The following JAKMIP1 variants were observed in gnomAD, a reference collection of about 807,000 sequenced individuals.
JAKMIP1 encodes the protein janus kinase and microtubule interacting protein 1.
In JAKMIP1, 33 loss-of-function variants were observed where a neutral mutation model predicts 113.0. That is an observed-to-expected ratio of 0.29 (90% CI 0.22 to 0.39). The LOEUF is 0.39. Among genes scored for constraint, JAKMIP1 ranks in the 10% least tolerant of loss-of-function variants. The pLI is 1.00. For missense variants in JAKMIP1, 813 were observed against 1,080.5 expected, an observed-to-expected ratio of 0.75 and a Z score of 3.47; for synonymous variants, 480 against 459.9, an observed-to-expected ratio of 1.04 and a Z score of -0.56.
At chr4:6,033,371 TCG>T (rs1314788269) in intron 19 of JAKMIP1, among the ~76,000 whole-genome samples, 1 of 152,160 alleles carries the variant, frequency 6.6e-6, no homozygotes, top group Non-Finnish European at 1.5e-5. Flanking sequence ...TTAGGTAGTG[TCG>T]CCCGTGTTGA....
intron 16 of JAKMIP1, among the ~76,000 whole-genome samples, chr4:6,045,418 TG>T (rs1283380489): frequency 6.6e-6 from 1 of 152,190 alleles, no homozygotes; most frequent in Non-Finnish European, 1.5e-5. Context: ...GTGGGGCTGA[TG>T]GGTGCCAGGA....
chr4:6,101,092 T>G (rs1352290049), intron 3 of JAKMIP1, among the ~76,000 whole-genome samples: 1 of 152,220 alleles, frequency 6.6e-6, no homozygotes, highest in Admixed American at 6.5e-5. Flanking sequence ...ATGTAAATAG[T>G]GTACTGTGTC....
intron 19 of JAKMIP1, among the ~76,000 whole-genome samples, chr4:6,033,505 G>A (rs568345646): frequency 6.6e-6 from 1 of 152,348 alleles, no homozygotes; most frequent in East Asian, 1.9e-4. Flanking sequence ...TGCTTACTTT[G>A]TGAGCACTTT....
At chr4:6,149,038 GA>G (rs1721227921) in intron 1 of JAKMIP1, among the ~76,000 whole-genome samples, 1 of 152,170 alleles carries the variant, frequency 6.6e-6, no homozygotes, top group Non-Finnish European at 1.5e-5. Flanking sequence ...TGAATTCCAA[GA>G]GGCCGTGTAA....
rs1343204094 is a variant in JAKMIP1, at chr4:6,042,848, C to T, written c.2029-621G>A. ...GGTAGGGGGTGTAGGAGCATGAAAGCAGGGTTCATGCCAGGACATGAGGGC... is the reference window on the plus strand; with the variant it reads ...GGTAGGGGGTGTAGGAGCATGAAAGTAGGGTTCATGCCAGGACATGAGGGC... On this transcript the variant is annotated intron_variant, in intron 16 of 20. Transcript: ENST00000409021. This position sits in a 1 kb window ranked among gnomAD's most constrained non-coding sequence, Gnocchi z 5.2. 6.6e-6 allele frequency among the ~76,000 whole-genome samples: 1 copy of T among 152,002 alleles called. No homozygotes were observed. Among genetic ancestry groups the T allele is most frequent in the Non-Finnish European group, 1.5e-5 (1 of 68,006 alleles).
chr4:6,082,114 C>T (rs1052755368), intron 5 of JAKMIP1, among the ~76,000 whole-genome samples: 3 of 152,004 alleles, frequency 2.0e-5, no homozygotes, highest in Admixed American at 6.6e-5. Flanking sequence ...CTTCCCCATC[C>T]GCATTTTATA....
At chr4:6,147,010 G>A (rs1439658101) in intron 1 of JAKMIP1, among the ~76,000 whole-genome samples, 1 of 152,150 alleles carries the variant, frequency 6.6e-6, no homozygotes, top group Non-Finnish European at 1.5e-5. Context: ...CCAGGCTGGA[G>A]TGCAATGGCA....
chr4:6,056,901 G>A (rs571524886), intron 11 of JAKMIP1, 142 bp from the exon 12 acceptor site: 8 of 653,712 alleles, frequency 1.2e-5, no homozygotes, highest in South Asian at 6.8e-5. Flanking sequence ...TGCCCTCATT[G>A]TCCCTGTCCA....
rs1275222922 is a variant in JAKMIP1, at chr4:6,080,881, G to C, written c.1102-569C>G. ...GGCTGACCATGCACACTGCTGACAGGAAGGGATGCGCAGGGCCTGGGGGTG... is the reference window on the plus strand; with the variant it reads ...GGCTGACCATGCACACTGCTGACAGCAAGGGATGCGCAGGGCCTGGGGGTG... On this transcript the variant is annotated intron_variant, in intron 6 of 20. Coordinates refer to ENST00000409021, the MANE Select transcript of JAKMIP1 (RefSeq NM_001099433.2). This position sits in a 1 kb window ranked among gnomAD's most constrained non-coding sequence, Gnocchi z 6.0. Among the ~76,000 whole-genome samples, 1 of 152,064 alleles carries C rather than the reference G, an allele frequency of 6.6e-6. No individual in the cohort carries two copies. Among genetic ancestry groups the C allele is most frequent in the Non-Finnish European group, 1.5e-5 (1 of 68,026 alleles).
chr4:6,085,339 G>A, intron 4 of JAKMIP1, 81 bp downstream of exon 4: 2 of 1,225,336 alleles, frequency 1.6e-6, no homozygotes, highest in Admixed American at 2.1e-5. Flanking sequence ...CCACCTCAGA[G>A]TCCTCTGTGG....
Position 6,085,450 on chromosome 4 carries a change from G to A in JAKMIP1, c.804C>T (p.Ile268=), listed in dbSNP as rs374893957. 15 of 1,613,728 alleles carry A rather than the reference G, an allele frequency of 9.3e-6. No homozygotes were observed. Among genetic ancestry groups the A allele is most frequent in the South Asian group, 4.4e-5 (4 of 91,092 alleles). Residue 268 remains isoleucine (I), a synonymous_variant, in exon 4 of 21, where the codon ATC becomes ATT. Coordinates refer to ENST00000409021, the MANE Select transcript of JAKMIP1 (RefSeq NM_001099433.2). ...CGCCCATGAGCTCCACCATGTCCCC[G>A]ATCCCGGGCGGGAGCTCTCTCTTTG... ...SSPKRELPPG[I]GDMVELMGVQ... is the part of the protein sequence containing the mutation.
chr4:6,187,168 T>C lies in JAKMIP1; in HGVS notation c.-148+13085A>G, dbSNP rs1220827217. Among the ~76,000 whole-genome samples the C allele has an allele frequency of 1.3e-5, 2 of 152,220 alleles. No individual in the cohort carries two copies. Among genetic ancestry groups the C allele is most frequent in the Non-Finnish European group, 2.9e-5 (2 of 68,038 alleles). Reference sequence around the variant, plus strand: ...TTTTGCTTCATATATTTTGGTGCTCTGTTGTTAGGTGCAAATATGTTTATA... The same window carrying C: ...TTTTGCTTCATATATTTTGGTGCTCCGTTGTTAGGTGCAAATATGTTTATA... On this transcript the variant is annotated intron_variant, in intron 1 of 20. Transcript: ENST00000409021. This position sits in a 1 kb window ranked among gnomAD's most constrained non-coding sequence, Gnocchi z 4.2.
Position 6,188,485 on chromosome 4 carries a change from C to G in JAKMIP1, c.-148+11768G>C, listed in dbSNP as rs763871028. Reference sequence around the variant, plus strand: ...ACCCCAAAATGTTCAGCCCACATCCCTACCTAAGAGTGACTTAATACACCC... The same window carrying G: ...ACCCCAAAATGTTCAGCCCACATCCGTACCTAAGAGTGACTTAATACACCC... On this transcript the variant is annotated intron_variant, in intron 1 of 20. Coordinates refer to ENST00000409021, the MANE Select transcript of JAKMIP1 (RefSeq NM_001099433.2). This position sits in a 1 kb window ranked among gnomAD's most constrained non-coding sequence, Gnocchi z 5.8. Among the ~76,000 whole-genome samples the G allele has an allele frequency of 6.6e-6, 1 of 152,182 alleles. No individual in the cohort carries two copies. Among genetic ancestry groups the G allele is most frequent in the South Asian group, 2.1e-4 (1 of 4,826 alleles).
intron 2 of JAKMIP1, 69 bp downstream of exon 2, chr4:6,112,653 C>T: frequency 1.3e-6 from 2 of 1,562,460 alleles, no homozygotes; most frequent in Non-Finnish European, 1.7e-6. Flanking sequence ...CACACACATG[C>T]CTCAGAGGCA....
Position 6,080,674 on chromosome 4 carries a change from T to C in JAKMIP1, c.1102-362A>G, listed in dbSNP as rs922501724. On this transcript the variant is annotated intron_variant, in intron 6 of 20. Coordinates refer to ENST00000409021, the MANE Select transcript of JAKMIP1 (RefSeq NM_001099433.2). The surrounding 1 kb of genome is among the most constrained non-coding windows in gnomAD (Gnocchi z 6.0). ...CAAGTAAGATGTGCCTTTAGCTTTCTGCCATGATTGTGAGGCCTCCCCAGC... is the reference window on the plus strand; with the variant it reads ...CAAGTAAGATGTGCCTTTAGCTTTCCGCCATGATTGTGAGGCCTCCCCAGC... Among the ~76,000 whole-genome samples, 2 of 152,220 alleles carry C rather than the reference T, an allele frequency of 1.3e-5. No individual in the cohort carries two copies. Among genetic ancestry groups the C allele is most frequent in the African/African-American group, 4.8e-5 (2 of 41,464 alleles).
rs1728004870 is a variant in JAKMIP1 at position 6,197,800 on chromosome 4, C to T, written c.-148+2453G>A. Reference sequence around the variant, plus strand: ...CTCAGAGCCTGAAGAGACACAAGGTCCCACCCTCGAGGAGTTAAACAGATA... The same window carrying T: ...CTCAGAGCCTGAAGAGACACAAGGTTCCACCCTCGAGGAGTTAAACAGATA... On this transcript the variant is annotated intron_variant, in intron 1 of 20. Transcript: ENST00000409021. This position sits in a 1 kb window ranked among gnomAD's most constrained non-coding sequence, Gnocchi z 6.5. Among the ~76,000 whole-genome samples, 1 of 152,220 alleles carries T rather than the reference C, an allele frequency of 6.6e-6. No homozygotes were observed. Among genetic ancestry groups the T allele is most frequent in the South Asian group, 2.1e-4 (1 of 4,836 alleles).
At chr4:6,082,403 C>T (rs1237097618) in intron 5 of JAKMIP1, among the ~76,000 whole-genome samples, 2 of 151,816 alleles carry the variant, frequency 1.3e-5, no homozygotes, top group Non-Finnish European at 2.9e-5. Flanking sequence ...GTAGAAGATA[C>T]ATACGTGTCT....
chr4:6,097,352 C>T lies in JAKMIP1; in HGVS notation c.624+8121G>A, dbSNP rs961571638. ...TAATCACTTCTTACACTTATTCACA[C>T]ATACCACTGATACAGTGGAGAAGAT... On this transcript the variant is annotated intron_variant, in intron 3 of 20. Coordinates refer to ENST00000409021, the MANE Select transcript of JAKMIP1 (RefSeq NM_001099433.2). The surrounding 1 kb of genome is among the most constrained non-coding windows in gnomAD (Gnocchi z 4.3). 6.6e-6 allele frequency among the ~76,000 whole-genome samples: 1 copy of T among 152,218 alleles called. No homozygotes were observed. Among genetic ancestry groups the T allele is most frequent in the East Asian group, 1.9e-4 (1 of 5,202 alleles).
Position 6,192,883 on chromosome 4 carries a change from T to C in JAKMIP1, c.-148+7370A>G, listed in dbSNP as rs1178515248. 6.6e-6 allele frequency among the ~76,000 whole-genome samples: 1 copy of C among 152,194 alleles called. No individual in the cohort carries two copies. Among genetic ancestry groups the C allele is most frequent in the African/African-American group, 2.4e-5 (1 of 41,456 alleles). On this transcript the variant is annotated intron_variant, in intron 1 of 20. Transcript: ENST00000409021. This position sits in a 1 kb window ranked among gnomAD's most constrained non-coding sequence, Gnocchi z 5.0. Reference sequence around the variant, plus strand: ...CTCCCCAAGGAGGAGAAATTTAGGCTGAGACATTGTGATGGTTAATATTGA... The same window carrying C: ...CTCCCCAAGGAGGAGAAATTTAGGCCGAGACATTGTGATGGTTAATATTGA...
Sources: gnomAD v4.1 joint callset for allele counts (sites outside exome capture counted in the v4.1 genomes callset) on GRCh38, gnomAD v4.1.1 for gene constraint, Gnocchi (gnomAD v3.1) non-coding constraint, MANE v1.5 for transcripts, NCBI Gene and HGNC (gene_info 2026-07-23, HGNC 2026-07-21) for gene names.